CNTNAP2: variants seen among roughly 807,000 people sequenced by gnomAD.
CNTNAP2 encodes contactin-associated protein-like 2.
CNTNAP2 carries 98 observed loss-of-function variants against 155.2 expected under a neutral mutation model. That is an observed-to-expected ratio of 0.63 (90% confidence interval 0.54 to 0.75). The LOEUF is 0.75. Ranked by LOEUF, CNTNAP2 falls within the 30% of genes least tolerant of loss-of-function variation. The pLI is 0.00. For missense variants in CNTNAP2, 1,727 were observed against 1,688.1 expected (o/e 1.02, Z -0.40); for synonymous variants, 651 against 631.2 (o/e 1.03, Z -0.47).
intron 1 of CNTNAP2, among the ~76,000 whole-genome samples, chr7:146,334,794 T>C (rs1178442886): frequency 6.6e-6 from 1 of 152,112 alleles, no homozygotes. Context: ...AAGAATAACA[T>C]TCACACATTT....
At position 148,130,454 on chromosome 7, in the gene CNTNAP2, C is replaced by T. The variant is rs1043236251; in HGVS notation, c.2554+12166C>T. Among the ~76,000 whole-genome samples, 37 of 152,110 alleles carry T rather than the reference C, an allele frequency of 2.4e-4. 1 individual carries two copies. The highest frequency in any genetic ancestry group is 2.4e-3 in the Admixed American group (37 of 15,282). ...TTCAGACAGGCTCATAATTTGACTC[C>T]CTCACTCCAGTCCCTCTATCCTGAT... is the stretch of plus-strand genomic sequence containing the variant. On this transcript the variant is annotated intron_variant, in intron 16 of 23. Coordinates refer to ENST00000361727, the MANE Select transcript of CNTNAP2 (RefSeq NM_014141.6).
At chr7:146,941,515 A>G (rs554996280) in intron 3 of CNTNAP2, among the ~76,000 whole-genome samples, 4 of 152,256 alleles carry the variant, frequency 2.6e-5, no homozygotes, top group African/African-American at 9.6e-5. Context: ...AATGATATAC[A>G]TGATTTACAC....
chr7:147,071,544 T>C (rs1378282234), intron 4 of CNTNAP2, among the ~76,000 whole-genome samples: 1 of 152,190 alleles, frequency 6.6e-6, no homozygotes, highest in Non-Finnish European at 1.5e-5. Context: ...CCCCAGGCCC[T>C]AGTATGCTCT....
intron 21 of CNTNAP2, among the ~76,000 whole-genome samples, chr7:148,320,484 A>G (rs180875553): frequency 1.7e-4 from 24 of 144,250 alleles, no homozygotes; most frequent in Admixed American, 9.7e-4. Context: ...CCTGGGTTCA[A>G]GTGATTCTCA....
At chr7:147,832,090 G>C (rs935882965) in intron 13 of CNTNAP2, among the ~76,000 whole-genome samples, 24 of 147,472 alleles carry the variant, frequency 1.6e-4, no homozygotes, top group Non-Finnish European at 3.1e-4. Context: ...TTTTAAAACT[G>C]TTATATATAA....
chr7:146,947,161 A>G (rs1234409428), intron 3 of CNTNAP2, among the ~76,000 whole-genome samples: 2 of 151,708 alleles, frequency 1.3e-5, no homozygotes, highest in Non-Finnish European at 2.9e-5. Context: ...CCTCCTGAGT[A>G]TCTGGGATTA....
chr7:146,603,494 T>A (rs1426204318), intron 1 of CNTNAP2, among the ~76,000 whole-genome samples: 5 of 150,284 alleles, frequency 3.3e-5, no homozygotes, highest in East Asian at 2.0e-4. Flanking sequence ...ATGGCCATAC[T>A]GCCCAAGGTA....
intron 15 of CNTNAP2, among the ~76,000 whole-genome samples, chr7:148,065,694 T>C (rs554886923): frequency 6.6e-6 from 1 of 152,268 alleles, no homozygotes; most frequent in Non-Finnish European, 1.5e-5. Context: ...GTTAGGTGAG[T>C]CTCTTGAAGA....
chr7:146,195,695 C>A (rs1464709775), intron 1 of CNTNAP2, among the ~76,000 whole-genome samples: 1 of 152,118 alleles, frequency 6.6e-6, no homozygotes, highest in Admixed American at 6.6e-5. Context: ...CAGTCAATCC[C>A]AGGGTGACCA....
chr7:146,181,102 A>C (rs1798543114), intron 1 of CNTNAP2, among the ~76,000 whole-genome samples: 1 of 152,192 alleles, frequency 6.6e-6, no homozygotes, highest in East Asian at 1.9e-4. Flanking sequence ...GTTGCATTTG[A>C]ATGCATATGC....
At chr7:146,322,344 A>G (rs1170749570) in intron 1 of CNTNAP2, among the ~76,000 whole-genome samples, 2 of 152,316 alleles carry the variant, frequency 1.3e-5, no homozygotes, top group South Asian at 4.1e-4. Context: ...ACTCAGATGT[A>G]TGAGCTTTGG....
chr7:147,498,171 TAAAA>T (rs58638014), intron 11 of CNTNAP2, among the ~76,000 whole-genome samples: 1 of 130,418 alleles, frequency 7.7e-6, no homozygotes. Flanking sequence ...CAAGCTATGA[TAAAA>T]AAAAAAAAAA....
At chr7:146,431,739 G>C (rs889353628) in intron 1 of CNTNAP2, among the ~76,000 whole-genome samples, 7 of 152,014 alleles carry the variant, frequency 4.6e-5, no homozygotes, top group African/African-American at 1.7e-4. Context: ...AGTTTTGATG[G>C]TTGGAACAAA....
intron 8 of CNTNAP2, among the ~76,000 whole-genome samples, chr7:147,287,041 T>A (rs952672883): frequency 6.6e-6 from 1 of 152,118 alleles, no homozygotes; most frequent in Non-Finnish European, 1.5e-5. Context: ...GTGAGAAATA[T>A]TTTATTCAGT....
chr7:146,291,788 A>G (rs957636647), intron 1 of CNTNAP2, among the ~76,000 whole-genome samples: 1 of 152,232 alleles, frequency 6.6e-6, no homozygotes, highest in African/African-American at 2.4e-5. Context: ...TAGAAAAAAC[A>G]CAGGTGAATA....
intron 8 of CNTNAP2, among the ~76,000 whole-genome samples, chr7:147,215,302 T>C (rs978024524): frequency 6.6e-6 from 1 of 152,164 alleles, no homozygotes; most frequent in Non-Finnish European, 1.5e-5. Flanking sequence ...AACACTATAG[T>C]AGCATACAGA....
At chr7:147,981,965 C>G (rs1218356711) in intron 15 of CNTNAP2, among the ~76,000 whole-genome samples, 1 of 151,978 alleles carries the variant, frequency 6.6e-6, no homozygotes, top group African/African-American at 2.4e-5. Context: ...TTAAACTACA[C>G]GTACGCACCT....
intron 15 of CNTNAP2, among the ~76,000 whole-genome samples, chr7:148,062,117 C>T (rs1803168712): frequency 1.4e-5 from 2 of 145,412 alleles, no homozygotes; most frequent in African/African-American, 5.1e-5. Flanking sequence ...GCTAAAAGAT[C>T]TTGTCAAATT....
intron 10 of CNTNAP2, among the ~76,000 whole-genome samples, chr7:147,398,766 C>T (rs551492357): frequency 6.8e-6 from 1 of 146,846 alleles, no homozygotes; most frequent in Non-Finnish European, 1.5e-5. Flanking sequence ...ATTCTAGGCA[C>T]TTGGAATAAA....
Sources: allele counts gnomAD v4.1 joint callset (sites outside exome capture counted in the v4.1 genomes callset), GRCh38; gene constraint gnomAD v4.1.1; transcripts MANE v1.5; gene names NCBI Gene and HGNC (gene_info 2026-07-23, HGNC 2026-07-21).